The following GNG2 variants were observed in gnomAD, a reference collection of about 807,000 sequenced individuals.
The protein encoded by GNG2 is guanine nucleotide-binding protein G(I)/G(S)/G(O) subunit gamma-2.
In GNG2, 5 loss-of-function variants were observed where a neutral mutation model predicts 5.5. That is an observed-to-expected ratio of 0.91 (90% CI 0.48 to 1.92). The LOEUF (loss-of-function observed/expected upper bound fraction) is 1.92. GNG2 is among the 30% of genes most tolerant of loss of function. The pLI is 0.01. For synonymous variants in GNG2, 28 were observed against 32.0 expected, an observed-to-expected ratio of 0.88 and a Z score of 0.42; for missense variants, 55 against 88.4, an observed-to-expected ratio of 0.62 and a Z score of 1.52.
At chr14:51,936,603 C>T (rs116321456) in intron 2 of GNG2, among the ~76,000 whole-genome samples, 3 of 150,244 alleles carry the variant, frequency 2.0e-5, no homozygotes, top group East Asian at 3.9e-4. Flanking sequence ...CAGGCTGGAG[C>T]GCAGTGGCAT....
In GNG2 at chr14:51,935,369, T is replaced by C. The variant is rs576779516; in HGVS notation, c.-29-15281T>C. On this transcript the variant is annotated intron_variant, in intron 2 of 3. Coordinates refer to ENST00000556766, the MANE Select transcript of GNG2 (RefSeq NM_053064.5). The stretch of plus-strand genomic sequence containing the variant: ...TTACTGCATCAGAATGCCTCATCAG[T>C]AGTGATCACCATAGGGAGGGGAGGG... Among the ~76,000 whole-genome samples the C allele has an allele frequency of 2.0e-5, 3 of 152,262 alleles. No individual in the cohort carries two copies. In the East Asian group the frequency reaches 5.8e-4, roughly 29 times the overall value.
intron 2 of GNG2, among the ~76,000 whole-genome samples, chr14:51,937,580 T>A (rs955860800): frequency 5.9e-5 from 9 of 151,996 alleles, no homozygotes; most frequent in African/African-American, 2.2e-4. Context: ...GCTTTTCAGT[T>A]TTCCGAAAAT....
intron 2 of GNG2, among the ~76,000 whole-genome samples, chr14:51,935,960 C>G (rs1161593165): frequency 1.3e-5 from 2 of 152,112 alleles, no homozygotes; most frequent in African/African-American, 2.4e-5. Context: ...CATATTTAAT[C>G]TCTCCTTAAG....
intron 3 of GNG2, among the ~76,000 whole-genome samples, chr14:51,961,089 C>T (rs1023731317): frequency 2.0e-5 from 3 of 152,160 alleles, no homozygotes; most frequent in African/African-American, 7.2e-5. Context: ...TAAGCTGGGG[C>T]AACTGTAGAA....
chr14:51,955,812 A>T (rs911368642), intron 3 of GNG2, among the ~76,000 whole-genome samples: 1 of 152,238 alleles, frequency 6.6e-6, no homozygotes, highest in African/African-American at 2.4e-5. Flanking sequence ...ACACTTTAAC[A>T]TATAAAAAGA....
At chr14:51,883,638 G>A (rs907737757) in intron 2 of GNG2, among the ~76,000 whole-genome samples, 11 of 152,178 alleles carry the variant, frequency 7.2e-5, no homozygotes, top group Admixed American at 2.6e-4. Context: ...AGATGGTAAT[G>A]AGCATTTCTT....
At chr14:51,847,720 G>T (rs771015256) in intron 2 of GNG2, among the ~76,000 whole-genome samples, 1 of 152,038 alleles carries the variant, frequency 6.6e-6, no homozygotes, top group African/African-American at 2.4e-5. Context: ...TTAGCTCCTG[G>T]ATTTATTTAG....
rs1445313036 is a variant in GNG2, at chr14:51,889,109, C to CCTTTTTTTTTTTT, written c.-30+11452_-30+11453insCTTTTTTTTTTTT. 1.7e-5 allele frequency among the ~76,000 whole-genome samples: 2 copies of CCTTTTTTTTTTTT among 118,938 alleles called. 1 individual carries two copies. 78.0% of individuals were successfully genotyped at this position (118,938 alleles called of 152,430 possible). A position where few individuals can be genotyped will look rare whatever the true frequency, so the allele number is the denominator to read the frequency against. Reference sequence around the variant, plus strand: ...GACTGCTAATGGGTATGGGTTTGCGCTTTTTTTTTTTTTTTTTTTTTGAGA... The same window carrying CCTTTTTTTTTTTT: ...GACTGCTAATGGGTATGGGTTTGCGCCTTTTTTTTTTTTTTTTTTTTTTTTTTTTTTTTTGAGA... On this transcript the variant is annotated intron_variant, in intron 2 of 3. Transcript: ENST00000556766.
At chr14:51,858,424 A>G (rs538094617), upstream of GNG2, among the ~76,000 whole-genome samples, 2 of 152,346 alleles carry the variant, frequency 1.3e-5, no homozygotes, top group East Asian at 3.9e-4. Flanking sequence ...ATTAAAAGGC[A>G]GCAGGCAAAA....
At chr14:51,965,802 C>T (rs1889858980) in intron 3 of GNG2, among the ~76,000 whole-genome samples, 1 of 152,102 alleles carries the variant, frequency 6.6e-6, no homozygotes, top group Non-Finnish European at 1.5e-5. Context: ...AATGGCTAGC[C>T]TGTGTGGAAA....
intron 2 of GNG2, among the ~76,000 whole-genome samples, chr14:51,829,234 G>T (rs890729435): frequency 9.2e-5 from 14 of 152,188 alleles, no homozygotes; most frequent in Non-Finnish European, 1.9e-4. Flanking sequence ...GCCTAGACTT[G>T]TTACCATCCA....
At chr14:51,942,589 C>CTTTTTTTTTTTTTT (rs56883654) in intron 2 of GNG2, among the ~76,000 whole-genome samples, 1 of 81,146 alleles carries the variant, frequency 1.2e-5, no homozygotes, top group African/African-American at 5.9e-5. Context: ...TTCTTTCTTT[C>CTTTTTTTTTTTTTT]TTTTTTTTTT....
At chr14:51,950,915 T>C in intron 3 of GNG2, 150 bp downstream of exon 3, 1 of 456,768 alleles carries the variant, frequency 2.2e-6, no homozygotes, top group Non-Finnish European at 3.9e-6. Flanking sequence ...GTCTTTCCCT[T>C]CTCCAGCATA....
chr14:51,827,502 G>A (rs1028614851), intron 1 of GNG2, among the ~76,000 whole-genome samples: 5 of 152,168 alleles, frequency 3.3e-5, no homozygotes, highest in Non-Finnish European at 5.9e-5. Context: ...TCCTGGTCCC[G>A]GTGATCCCTC....
At chr14:51,835,034 G>A (rs1198180496) in intron 2 of GNG2, among the ~76,000 whole-genome samples, 1 of 152,220 alleles carries the variant, frequency 6.6e-6, no homozygotes, top group Non-Finnish European at 1.5e-5. Context: ...AATAGAAGGT[G>A]AAGGATGTAG....
chr14:51,894,817 C>T, intron 2 of GNG2, among the ~76,000 whole-genome samples: 1 of 151,976 alleles, frequency 6.6e-6, no homozygotes, highest in Admixed American at 6.6e-5. Flanking sequence ...TTTCTAAAAA[C>T]TAGAATTTAA....
intron 2 of GNG2, among the ~76,000 whole-genome samples, chr14:51,910,479 C>T (rs1041635610): frequency 6.6e-6 from 1 of 152,110 alleles, no homozygotes; most frequent in Non-Finnish European, 1.5e-5. Flanking sequence ...GTTCAAAAGC[C>T]CAGGATGGAA....
In GNG2 at chr14:51,913,973, A is replaced by T. The variant is rs1432398712; in HGVS notation, c.-30+36316A>T. ...TATGTTTCATTTCATATATATGAAA[A>T]ACAATGGGAAGAATATCACTAAAAT... On this transcript the variant is annotated intron_variant, in intron 2 of 3. Coordinates refer to ENST00000556766, the MANE Select transcript of GNG2 (RefSeq NM_053064.5). The T allele has an allele frequency of 2.7e-5, 13 of 487,578 alleles. No homozygotes were observed. The East Asian group carries it at 4.4e-4, about 16-fold the overall frequency. 30.2% of individuals were successfully genotyped at this position (487,578 alleles called of 1,614,324 possible). A position where few individuals can be genotyped will look rare whatever the true frequency, so the allele number is the denominator to read the frequency against.
intron 1 of GNG2, among the ~76,000 whole-genome samples, chr14:51,867,535 C>A (rs1170494928): frequency 1.3e-5 from 2 of 152,206 alleles, no homozygotes; most frequent in East Asian, 3.8e-4. Context: ...AGTTGCATGG[C>A]TCCTTGCAAT....
Sources: allele counts gnomAD v4.1 joint callset (sites outside exome capture counted in the v4.1 genomes callset), GRCh38; gene constraint gnomAD v4.1.1; transcripts MANE v1.5; gene names NCBI Gene and HGNC (gene_info 2026-07-23, HGNC 2026-07-21).